LRFN5: variants seen among roughly 807,000 people sequenced by gnomAD.
The protein encoded by LRFN5 is leucine rich repeat and fibronectin type III domain containing 5.
In LRFN5, 24 loss-of-function variants were observed where a neutral mutation model predicts 45.6. The ratio of observed to expected loss-of-function variants is 0.53; its 90% CI spans 0.38 to 0.74. The LOEUF is 0.74. Ranked by LOEUF, LRFN5 falls within the 30% of genes least tolerant of loss-of-function variation. The pLI, the probability that LRFN5 is intolerant of heterozygous loss-of-function variation, is 0.00. For synonymous variants in LRFN5, 340 were observed against 313.8 expected (o/e 1.08, Z -0.88); for missense variants, 776 against 861.5 (o/e 0.90, Z 1.24).
At chr14:41,709,608 T>A (rs1008494799) in intron 1 of LRFN5, among the ~76,000 whole-genome samples, 2 of 152,092 alleles carry the variant, frequency 1.3e-5, no homozygotes, top group African/African-American at 2.4e-5. Flanking sequence ...GGTGTGGAAT[T>A]TCTCTTTGTA....
rs1433920412 is a variant in LRFN5 at position 41,837,124 on chromosome 14, C to G, written c.-20-49482C>G. On this transcript the variant is annotated intron_variant, in intron 2 of 5. Transcript: ENST00000298119. ...AAAAATGTTGAGTCCAGTTTGTTTC[C>G]CAAATCAGCGGACTGAGAAGTTGGA... is the stretch of plus-strand genomic sequence containing the variant. 2.1e-5 allele frequency among the ~76,000 whole-genome samples: 3 copies of G among 141,884 alleles called. No homozygotes were observed. The East Asian group carries it at 6.0e-4, about 28-fold the overall frequency. 93.1% of individuals were successfully genotyped at this position (141,884 alleles called of 152,430 possible).
intron 1 of LRFN5, among the ~76,000 whole-genome samples, chr14:41,757,443 A>C (rs539152069): frequency 1.3e-5 from 2 of 152,270 alleles, no homozygotes; most frequent in South Asian, 4.1e-4. Flanking sequence ...TACCTACTCA[A>C]GCCTCAGCAA....
At chr14:41,829,681 A>G (rs1888412143) in intron 2 of LRFN5, among the ~76,000 whole-genome samples, 2 of 151,304 alleles carry the variant, frequency 1.3e-5, no homozygotes, top group Admixed American at 6.6e-5. Context: ...TGTTCATTTC[A>G]AATATTATAT....
intron 1 of LRFN5, chr14:41,733,601 A>T (rs897589110): frequency 1.3e-5 from 2 of 152,118 alleles, no homozygotes; most frequent in African/African-American, 2.4e-5. Flanking sequence ...GTAGGTCTCA[A>T]TCAGTAAGAA....
At chr14:41,822,136 A>AT (rs1888137055) in intron 2 of LRFN5, among the ~76,000 whole-genome samples, 1 of 151,250 alleles carries the variant, frequency 6.6e-6, no homozygotes, top group Non-Finnish European at 1.5e-5. Context: ...GATTATTTGT[A>AT]TTTTTCATCT....
In LRFN5 at chr14:41,887,661, A is replaced by C; in HGVS notation, c.1036A>C (p.Ile346Leu). Reference sequence around the variant, plus strand: ...TGATAACGGAACACTTGACATTCTTATCACAACTGTAAAGGATACAGGTGC... The same window carrying C: ...TGATAACGGAACACTTGACATTCTTCTCACAACTGTAAAGGATACAGGTGC... The part of the protein sequence containing the change: ...VYDNGTLDIL[I>L]TTVKDTGAFT... Residue 346 changes from isoleucine (I) to leucine (L), a missense_variant, in exon 3 of 6, where the codon ATC (isoleucine) becomes CTC (leucine). Physicochemically the swap from Ile to Leu is conservative, Grantham distance 5. Coordinates refer to ENST00000298119, the MANE Select transcript of LRFN5 (RefSeq NM_152447.5). The surrounding 1 kb of genome is among the most constrained non-coding windows in gnomAD (Gnocchi z 4.8). 10 of 1,614,224 alleles carry C rather than the reference A, an allele frequency of 6.2e-6. No individual in the cohort carries two copies. Among genetic ancestry groups the C allele is most frequent in the Non-Finnish European group, 8.5e-6 (10 of 1,180,040 alleles).
At chr14:41,631,044 G>A (rs562867878) in intron 1 of LRFN5, among the ~76,000 whole-genome samples, 7 of 151,890 alleles carry the variant, frequency 4.6e-5, no homozygotes, top group Non-Finnish European at 7.4e-5. Flanking sequence ...ATAAATCTTC[G>A]TAAAATGCTT....
At chr14:41,690,308 C>T (rs1284304544) in intron 1 of LRFN5, among the ~76,000 whole-genome samples, 1 of 152,180 alleles carries the variant, frequency 6.6e-6, no homozygotes, top group Non-Finnish European at 1.5e-5. Context: ...AATCCCAGCA[C>T]TTTGGGACGC....
At chr14:41,838,807 T>C (rs1160109894) in intron 2 of LRFN5, among the ~76,000 whole-genome samples, 2 of 152,056 alleles carry the variant, frequency 1.3e-5, no homozygotes, top group African/African-American at 4.8e-5. Flanking sequence ...GACTAGAAAA[T>C]AGATAGCGCT....
At chr14:41,715,171 A>C (rs944870346) in intron 1 of LRFN5, among the ~76,000 whole-genome samples, 56 of 152,340 alleles carry the variant, frequency 3.7e-4, no homozygotes, top group African/African-American at 1.3e-3. Context: ...AAACATCTTC[A>C]AAATCTTGTG....
intron 1 of LRFN5, among the ~76,000 whole-genome samples, chr14:41,704,388 C>A (rs1882962585): frequency 6.8e-6 from 1 of 147,174 alleles, no homozygotes; most frequent in Non-Finnish European, 1.5e-5. Context: ...CCTCCATTTT[C>A]TAGACTTATT....
chr14:41,640,738 A>G (rs1016235563), intron 1 of LRFN5, among the ~76,000 whole-genome samples: 1 of 152,144 alleles, frequency 6.6e-6, no homozygotes, highest in Non-Finnish European at 1.5e-5. Context: ...AATACTTTGT[A>G]CACACAAAAC....
chr14:41,828,478 C>A (rs908222529), intron 2 of LRFN5, among the ~76,000 whole-genome samples: 1 of 151,968 alleles, frequency 6.6e-6, no homozygotes, highest in Admixed American at 6.6e-5. Context: ...TAAACAAATG[C>A]TTCTTTAACA....
chr14:41,695,976 G>T lies in LRFN5; in HGVS notation c.-196-70878G>T, dbSNP rs745518074. On this transcript the variant is annotated intron_variant, in intron 1 of 5. Transcript: ENST00000298119. ...AGTAAATTAAAAAGCTTCTGGAAAA[G>T]ATTAACCCTTCTAGATGTCATTAAG... Among the ~76,000 whole-genome samples the T allele has an allele frequency of 2.7e-4, 41 of 151,906 alleles. 1 individual carries two copies. Among genetic ancestry groups the T allele is most frequent in the Admixed American group, 2.0e-4 (3 of 15,210 alleles).
chr14:41,828,631 A>G (rs931133100), intron 2 of LRFN5, among the ~76,000 whole-genome samples: 1 of 151,942 alleles, frequency 6.6e-6, no homozygotes, highest in African/African-American at 2.4e-5. Context: ...TTGTTTACCT[A>G]TTCAAACCTA....
At chr14:41,869,488 A>G (rs953391501) in intron 2 of LRFN5, among the ~76,000 whole-genome samples, 2 of 151,996 alleles carry the variant, frequency 1.3e-5, no homozygotes, top group Non-Finnish European at 2.9e-5. Context: ...GAGGTATCCA[A>G]ATTATCTAGC....
chr14:41,810,940 T>C (rs1361294474), intron 2 of LRFN5, among the ~76,000 whole-genome samples: 1 of 148,660 alleles, frequency 6.7e-6, no homozygotes, highest in Non-Finnish European at 1.5e-5. Flanking sequence ...GGTTTTTTTA[T>C]GAAAATAAAA....
chr14:41,609,397 T>G (rs1421773998), intron 1 of LRFN5, among the ~76,000 whole-genome samples: 1 of 152,212 alleles, frequency 6.6e-6, no homozygotes, highest in African/African-American at 2.4e-5. Context: ...GTGCCTTGAT[T>G]TACAAGGAGC....
In LRFN5 at chr14:41,759,480, CACACACACACACACACACAGAG is replaced by C. The variant is rs1452235134; in HGVS notation, c.-196-7372_-196-7351del. Among the ~76,000 whole-genome samples, 139 of 75,502 alleles carry C rather than the reference CACACACACACACACACACAGAG, an allele frequency of 1.8e-3. No homozygotes were observed. The East Asian group carries it at 0.027, about 15-fold the overall frequency. The allele number at this position is 75,502 out of a possible 152,430, so 49.5% of individuals were successfully genotyped here. Reference sequence around the variant, plus strand: ...ACACACACACACACACACACACACACACACACACACACACACACAGAGAGAGCACCAGAAAACAGCATTTTAT... The same window carrying C: ...ACACACACACACACACACACACACACAGAGCACCAGAAAACAGCATTTTAT... On this transcript the variant is annotated intron_variant, in intron 1 of 5. Coordinates refer to ENST00000298119, the MANE Select transcript of LRFN5 (RefSeq NM_152447.5).
Sources: allele counts gnomAD v4.1 joint callset (sites outside exome capture counted in the v4.1 genomes callset), GRCh38; gene constraint gnomAD v4.1.1; non-coding constraint Gnocchi (gnomAD v3.1); transcripts MANE v1.5; gene names NCBI Gene and HGNC (gene_info 2026-07-23, HGNC 2026-07-21).